Variants in CFAP20DC observed in about 807,000 individuals in gnomAD.
CFAP20DC encodes the protein protein CFAP20DC.
In CFAP20DC, 84 loss-of-function variants were observed where a neutral mutation model predicts 101.7. The ratio of observed to expected loss-of-function variants is 0.83; its 90% CI spans 0.69 to 0.99. The LOEUF is 0.99. CFAP20DC is among the 50% of genes least tolerant of loss of function. CFAP20DC has a pLI of 0.00. For synonymous variants in CFAP20DC, 359 were observed against 351.2 expected (o/e 1.02, Z -0.25); for missense variants, 1,007 against 970.3 (o/e 1.04, Z -0.50).
chr3:58,884,812 G>T, intron 6 of CFAP20DC, 103 bp from the exon 7 acceptor site: 1 of 934,784 alleles, frequency 1.1e-6, no homozygotes, highest in South Asian at 1.7e-5. Context: ...TTTAGCGTAT[G>T]ACTTTGTACG....
At chr3:59,012,628 T>C (rs2054050578) in intron 4 of CFAP20DC, among the ~76,000 whole-genome samples, 1 of 152,174 alleles carries the variant, frequency 6.6e-6, no homozygotes, top group Non-Finnish European at 1.5e-5. Context: ...AATAATAAAA[T>C]CAGATTTGCA....
intron 4 of CFAP20DC, among the ~76,000 whole-genome samples, chr3:59,022,109 T>C (rs2093813612): frequency 6.6e-6 from 1 of 152,114 alleles, no homozygotes; most frequent in South Asian, 2.1e-4. Context: ...ACTGACCTTC[T>C]GCATTTGAGA....
At chr3:58,800,196 T>C (rs992589761) in intron 15 of CFAP20DC, among the ~76,000 whole-genome samples, 1 of 152,152 alleles carries the variant, frequency 6.6e-6, no homozygotes, top group African/African-American at 2.4e-5. Flanking sequence ...TGTATACCAC[T>C]TGGTTGCTAA....
rs1430475993 is a variant in CFAP20DC, at chr3:58,782,060, T to TA, written c.2237+24334dup. On this transcript the variant is annotated intron_variant, in intron 15 of 16. Coordinates refer to ENST00000482387, the MANE Select transcript of CFAP20DC (RefSeq NM_001394063.1). ...TGGCAAACTGAATCCAACATTATAT[T>TA]AAAAAAATTAATATACAAAGATCAA... Among the ~76,000 whole-genome samples, 5 of 151,864 alleles carry TA rather than the reference T, an allele frequency of 3.3e-5. No individual in the cohort carries two copies. In the East Asian group the frequency reaches 9.6e-4, roughly 29 times the overall value.
At position 59,049,673 on chromosome 3, in the gene CFAP20DC, G is replaced by C. The variant is rs1474132972; in HGVS notation, c.-42C>G. 6.5e-7 allele frequency: 1 copy of C among 1,533,740 alleles called. No individual in the cohort carries two copies. Among genetic ancestry groups the C allele is most frequent in the East Asian group, 2.4e-5 (1 of 40,894 alleles). ...GGGCTTGGGGGGCACAGAGTTCAGGGTTTCCAGCGAGTGGCGTGACCCTGA... is the reference window on the plus strand; with the variant it reads ...GGGCTTGGGGGGCACAGAGTTCAGGCTTTCCAGCGAGTGGCGTGACCCTGA... On this transcript the variant is annotated 5_prime_UTR_variant, in exon 1 of 17. Transcript: ENST00000482387.
At chr3:58,877,476 T>C (rs929054196) in intron 7 of CFAP20DC, among the ~76,000 whole-genome samples, 2 of 152,190 alleles carry the variant, frequency 1.3e-5, no homozygotes, top group Admixed American at 6.5e-5. Context: ...ATGATGGATA[T>C]CAGGATACAT....
rs558788712 is a variant in CFAP20DC at position 58,806,335 on chromosome 3, T to C, written c.2237+60A>G. ...AACAATTTCAGAAAACCAAGAAAAA[T>C]GTACAATCTTCCAACTAAGTTTTTT... On this transcript the variant is annotated intron_variant, in intron 15 of 16. Transcript: ENST00000482387. The C allele has an allele frequency of 3.3e-5, 38 of 1,149,650 alleles. No homozygotes were observed. The East Asian group carries it at 5.4e-4, about 16-fold the overall frequency. The allele number at this position is 1,149,650 out of a possible 1,614,324, so 71.2% of individuals were successfully genotyped here. A position where few individuals can be genotyped will look rare whatever the true frequency, so the allele number is the denominator to read the frequency against.
chr3:58,806,374 T>C, intron 15 of CFAP20DC, 21 bp downstream of exon 15: 1 of 1,494,092 alleles, frequency 6.7e-7, no homozygotes, highest in Non-Finnish European at 9.3e-7. Flanking sequence ...TTCTTAAATG[T>C]AGATTATTAA....
intron 13 of CFAP20DC, among the ~76,000 whole-genome samples, chr3:58,842,886 A>G (rs371505969): frequency 6.6e-6 from 1 of 152,092 alleles, no homozygotes; most frequent in Non-Finnish European, 1.5e-5. Flanking sequence ...CTGGGAGGCA[A>G]CCCCCAGCAG....
intron 1 of CFAP20DC, 55 bp from the exon 2 acceptor site, chr3:59,047,309 AC>A: frequency 8.5e-7 from 1 of 1,179,536 alleles, no homozygotes; most frequent in Non-Finnish European, 1.2e-6. Context: ...AGTATTATCC[AC>A]CACATAGTCT....
At chr3:58,726,432 T>C (rs1171424773) in intron 3 of CFAP20DC, 1 of 153,030 alleles carries the variant, frequency 6.5e-6, no homozygotes, top group Non-Finnish European at 1.5e-5. Flanking sequence ...GGCAGAATGA[T>C]AAAGTCTTTA....
chr3:59,028,745 C>G lies in CFAP20DC; in HGVS notation c.278+10812G>C, dbSNP rs191250091. On this transcript the variant is annotated intron_variant, in intron 4 of 16. Transcript: ENST00000482387. Reference sequence around the variant, plus strand: ...CAGAGGTAATAATTATGCCTACTATCCAGGCTAATTCTGAGGATTAATTGA... The same window carrying G: ...CAGAGGTAATAATTATGCCTACTATGCAGGCTAATTCTGAGGATTAATTGA... 4.6e-3 allele frequency among the ~76,000 whole-genome samples: 696 copies of G among 152,266 alleles called. 5 individuals are homozygous for G. Among genetic ancestry groups the G allele is most frequent in the Non-Finnish European group, 7.7e-3 (525 of 68,000 alleles).
rs761675225 is a variant in CFAP20DC at position 58,842,037 on chromosome 3, T to G, written c.1971+6995A>C. Among the ~76,000 whole-genome samples, 60 of 152,190 alleles carry G rather than the reference T, an allele frequency of 3.9e-4. 1 individual carries two copies. The highest frequency in any genetic ancestry group is 7.1e-4 in the Non-Finnish European group (48 of 68,022). ...TGTACTTCTTTCCTAATTAAAAATA[T>G]TTGAACGTAGTAATAGATAACTCTA... On this transcript the variant is annotated intron_variant, in intron 13 of 16. Transcript: ENST00000482387.
intron 4 of CFAP20DC, among the ~76,000 whole-genome samples, chr3:58,980,423 T>C (rs2092480558): frequency 6.6e-6 from 1 of 152,144 alleles, no homozygotes; most frequent in Admixed American, 6.5e-5. Context: ...TTTAGACCAA[T>C]ATCCTTGATG....
chr3:58,858,519 G>C (rs189278004), intron 12 of CFAP20DC, among the ~76,000 whole-genome samples: 1 of 152,326 alleles, frequency 6.6e-6, no homozygotes, highest in East Asian at 1.9e-4. Context: ...ACTTGGAGCA[G>C]ATGGGACCCA....
intron 14 of CFAP20DC, among the ~76,000 whole-genome samples, chr3:58,812,424 A>G (rs1407519887): frequency 6.6e-6 from 1 of 152,076 alleles, no homozygotes; most frequent in African/African-American, 2.4e-5. Flanking sequence ...ATGAAATTGG[A>G]AATCATCATT....
At chr3:58,941,993 T>C (rs2088672121) in intron 4 of CFAP20DC, among the ~76,000 whole-genome samples, 1 of 152,242 alleles carries the variant, frequency 6.6e-6, no homozygotes, top group Non-Finnish European at 1.5e-5. Context: ...TTAAGTATGA[T>C]GTTAGAGCGT....
intron 4 of CFAP20DC, among the ~76,000 whole-genome samples, chr3:59,026,653 A>C (rs2093898389): frequency 6.6e-6 from 1 of 152,320 alleles, no homozygotes; most frequent in African/African-American, 2.4e-5. Context: ...TGAAAAGATC[A>C]GGTCTGCAGC....
chr3:58,719,555 TAA>T lies in CFAP20DC; in HGVS notation c.198-1929_198-1928del, dbSNP rs1433347416. Among the ~76,000 whole-genome samples, 3 of 152,246 alleles carry T rather than the reference TAA, an allele frequency of 2.0e-5. 1 individual carries two copies. The highest frequency in any genetic ancestry group is 2.0e-4 in the Admixed American group (3 of 15,292). Reference sequence around the variant, plus strand: ...CCAGATTTTTCAGCTACAATTTTTTTAAGTGTCCTTTTGGGAAATAGCACTAT... The same window carrying T: ...CCAGATTTTTCAGCTACAATTTTTTTGTGTCCTTTTGGGAAATAGCACTAT... On this transcript the variant is annotated intron_variant, in intron 3 of 3. Coordinates refer to the CFAP20DC transcript ENST00000486145.
Sources: allele counts gnomAD v4.1 joint callset (sites outside exome capture counted in the v4.1 genomes callset), GRCh38; gene constraint gnomAD v4.1.1; transcripts MANE v1.5; gene names NCBI Gene and HGNC (gene_info 2026-07-23, HGNC 2026-07-21).